The following BBX variants were observed in gnomAD, a reference collection of about 807,000 sequenced individuals.
The protein encoded by BBX is HMG box transcription factor BBX.
A neutral mutation model predicts 100.2 loss-of-function variants in BBX; 30 were observed. That is an observed-to-expected ratio of 0.30 (90% CI 0.22 to 0.41). BBX has a LOEUF of 0.41. Ranked by LOEUF, BBX falls within the 10% of genes least tolerant of loss-of-function variation. The pLI, the probability that BBX is intolerant of heterozygous loss-of-function variation, is 1.00. For synonymous variants in BBX, 376 were observed against 388.1 expected (o/e 0.97, Z 0.37); for missense variants, 1,023 against 1,129.8 (o/e 0.91, Z 1.35).
chr3:107,809,090 C>G lies in BBX; in HGVS notation c.*3633C>G, dbSNP rs2071189139. 1 of 152,200 alleles carries G rather than the reference C, an allele frequency of 6.6e-6. No homozygotes were observed. Among genetic ancestry groups the G allele is most frequent in the Admixed American group, 6.5e-5 (1 of 15,286 alleles). The allele number at this position is 152,200 out of a possible 1,614,324, so 9.4% of individuals were successfully genotyped here. On this transcript the variant is annotated 3_prime_UTR_variant, in exon 18 of 18. Transcript: ENST00000325805. ...TAAGTCAGATAAAATTTTGTTTGCA[C>G]TCTGCAGTCTTTGGCTCAATGTATG...
At chr3:107,692,641 A>G (rs1422860414) in intron 3 of BBX, among the ~76,000 whole-genome samples, 5 of 151,776 alleles carry the variant, frequency 3.3e-5, no homozygotes, top group Non-Finnish European at 5.9e-5. Flanking sequence ...TATTGTGAAT[A>G]GTGCCACAAT....
chr3:107,530,150 G>A (rs893139028), intron 2 of BBX, among the ~76,000 whole-genome samples: 2 of 152,144 alleles, frequency 1.3e-5, no homozygotes, highest in South Asian at 2.1e-4. Flanking sequence ...CCAGCACTTC[G>A]GGAGGCGGAA....
intron 2 of BBX, among the ~76,000 whole-genome samples, chr3:107,611,627 A>G (rs754826335): frequency 2.0e-5 from 3 of 151,906 alleles, no homozygotes; most frequent in Non-Finnish European, 4.4e-5. Context: ...ATTGCAGGTT[A>G]TTTGTTTCTT....
At chr3:107,532,212 A>G (rs1053767758) in intron 2 of BBX, among the ~76,000 whole-genome samples, 2 of 151,964 alleles carry the variant, frequency 1.3e-5, no homozygotes, top group African/African-American at 4.8e-5. Flanking sequence ...AACCAAAACA[A>G]AAACATGTGA....
At chr3:107,711,628 C>T (rs1482744853) in intron 4 of BBX, among the ~76,000 whole-genome samples, 1 of 152,154 alleles carries the variant, frequency 6.6e-6, no homozygotes, top group Non-Finnish European at 1.5e-5. Flanking sequence ...CTTTTAGCTT[C>T]CTGTACACAT....
chr3:107,544,860 GA>G (rs924451643), intron 2 of BBX, among the ~76,000 whole-genome samples: 9 of 132,410 alleles, frequency 6.8e-5, no homozygotes, highest in African/African-American at 1.7e-4. Context: ...AAAAAAAAAA[GA>G]AAAAAAGTAG....
intron 8 of BBX, among the ~76,000 whole-genome samples, chr3:107,745,014 A>T (rs897995828): frequency 2.0e-5 from 3 of 152,218 alleles, no homozygotes; most frequent in Admixed American, 6.5e-5. Flanking sequence ...GAATTTAGTC[A>T]TTTGTTGATG....
chr3:107,779,018 TATACACACAC>T (rs561862745), intron 13 of BBX, among the ~76,000 whole-genome samples: 7,193 of 82,890 alleles, frequency 0.087, 730 homozygotes, highest in Non-Finnish European at 0.12. Context: ...TATATATATA[TATACACACAC>T]ACACACACAT....
At chr3:107,761,462 A>G (rs765999053) in intron 10 of BBX, among the ~76,000 whole-genome samples, 10 of 152,174 alleles carry the variant, frequency 6.6e-5, no homozygotes, top group Non-Finnish European at 1.3e-4. Flanking sequence ...GTGAGAAGAT[A>G]AGAACTGGAA....
chr3:107,641,093 T>C (rs1439610331), intron 2 of BBX, among the ~76,000 whole-genome samples: 1 of 150,354 alleles, frequency 6.7e-6, no homozygotes, highest in African/African-American at 2.4e-5. Flanking sequence ...CTTTCTTTTT[T>C]TTTTTTTTTG....
At chr3:107,544,490 ACATCACATCT>A (rs1234413227) in intron 2 of BBX, among the ~76,000 whole-genome samples, 1 of 152,162 alleles carries the variant, frequency 6.6e-6, no homozygotes, top group African/African-American at 2.4e-5. Flanking sequence ...AGATGTTAAA[ACATCACATCT>A]GGAAACCTGT....
At chr3:107,667,983 A>G (rs1008748960) in intron 3 of BBX, among the ~76,000 whole-genome samples, 3 of 152,172 alleles carry the variant, frequency 2.0e-5, no homozygotes, top group Non-Finnish European at 4.4e-5. Flanking sequence ...TCTAGTATTT[A>G]TCTTAGCTAT....
chr3:107,763,467 T>G (rs931450029), intron 10 of BBX, among the ~76,000 whole-genome samples: 1 of 152,206 alleles, frequency 6.6e-6, no homozygotes. Context: ...GAATACATTT[T>G]AAAATACATC....
chr3:107,595,118 C>G (rs562491069), intron 2 of BBX, among the ~76,000 whole-genome samples: 161 of 152,312 alleles, frequency 1.1e-3, no homozygotes, highest in African/African-American at 3.5e-3. Context: ...TACTAGGGAA[C>G]TAGGCTGGAC....
rs115644671 is a variant in BBX at position 107,790,012 on chromosome 3, G to A, written c.2293+136G>A. The A allele has an allele frequency of 8.6e-4, 503 of 583,628 alleles. 1 individual carries two copies. Among genetic ancestry groups the A allele is most frequent in the African/African-American group, 6.7e-3 (361 of 53,672 alleles). The allele number at this position is 583,628 out of a possible 1,614,324, so 36.2% of individuals were successfully genotyped here. Reference sequence around the variant, plus strand: ...TTCAGTGCCATCAGCTCCTGACGCGGGTGTTCTCATTCTTTCCGGACTCTG... The same window carrying A: ...TTCAGTGCCATCAGCTCCTGACGCGAGTGTTCTCATTCTTTCCGGACTCTG... On this transcript the variant is annotated intron_variant, in intron 14 of 17. Transcript: ENST00000325805.
At chr3:107,783,474 A>G (rs1282036322) in intron 13 of BBX, among the ~76,000 whole-genome samples, 4 of 151,958 alleles carry the variant, frequency 2.6e-5, no homozygotes, top group African/African-American at 9.7e-5. Flanking sequence ...AAAAATATGT[A>G]TTTCTTTTCT....
intron 3 of BBX, among the ~76,000 whole-genome samples, chr3:107,672,688 T>C (rs2059080586): frequency 6.6e-6 from 1 of 152,020 alleles, no homozygotes; most frequent in South Asian, 2.1e-4. Context: ...GATCTTATGA[T>C]AAGTATTTAG....
chr3:107,663,020 G>A (rs1333106731), intron 3 of BBX: 2 of 152,112 alleles, frequency 1.3e-5, no homozygotes, highest in African/African-American at 4.8e-5. Flanking sequence ...ATAGATACAA[G>A]AATATTTATT....
intron 2 of BBX, among the ~76,000 whole-genome samples, chr3:107,559,139 G>A (rs1426704844): frequency 6.6e-6 from 1 of 152,136 alleles, no homozygotes; most frequent in African/African-American, 2.4e-5. Context: ...ATTGGTTTGA[G>A]GCCAAATAAT....
Sources: allele counts gnomAD v4.1 joint callset (sites outside exome capture counted in the v4.1 genomes callset), GRCh38; gene constraint gnomAD v4.1.1; transcripts MANE v1.5; gene names NCBI Gene and HGNC (gene_info 2026-07-23, HGNC 2026-07-21).